Variants in DLGAP1 observed in about 807,000 individuals in gnomAD.
The protein encoded by DLGAP1 is DLG associated protein 1, also known as disks large-associated protein 1.
A neutral mutation model predicts 90.8 loss-of-function variants in DLGAP1; 11 were observed. That is an observed-to-expected ratio of 0.12 (90% CI 0.08 to 0.20). The LOEUF is 0.20. Ranked by LOEUF, DLGAP1 falls within the 10% of genes least tolerant of loss-of-function variation. The probability of loss-of-function intolerance (pLI) is 1.00; values close to 1 mark genes in which losing one functional copy is unlikely to be tolerated. For synonymous variants in DLGAP1, 558 were observed against 540.7 expected (o/e 1.03, Z -0.44); for missense variants, 1,050 against 1,333.8 (o/e 0.79, Z 3.31).
At chr18:4,175,502 T>A (rs1219831961) in intron 1 of DLGAP1, among the ~76,000 whole-genome samples, 1 of 152,206 alleles carries the variant, frequency 6.6e-6, no homozygotes, top group Non-Finnish European at 1.5e-5. Context: ...CATGCCTATG[T>A]CCTGAATGGT....
At chr18:3,872,251 AAAC>A (rs1344795353) in intron 4 of DLGAP1, among the ~76,000 whole-genome samples, 2 of 151,760 alleles carry the variant, frequency 1.3e-5, no homozygotes, top group Non-Finnish European at 2.9e-5. Context: ...AAAAAATTAA[AAAC>A]AAGAATTTGG....
chr18:3,520,691 C>T (rs2051129265), intron 10 of DLGAP1, among the ~76,000 whole-genome samples: 1 of 152,186 alleles, frequency 6.6e-6, no homozygotes, highest in Admixed American at 6.5e-5. Context: ...TTCCAGCCTC[C>T]AAAACTGTGA....
intron 8 of DLGAP1, among the ~76,000 whole-genome samples, chr18:3,570,446 T>A (rs1361110112): frequency 6.6e-6 from 1 of 151,820 alleles, no homozygotes; most frequent in Non-Finnish European, 1.5e-5. Flanking sequence ...GCCTGGCTAA[T>A]TTTTGTATTT....
chr18:4,244,204 C>T (rs1036896293), intron 1 of DLGAP1, among the ~76,000 whole-genome samples: 6 of 152,208 alleles, frequency 3.9e-5, no homozygotes, highest in East Asian at 1.9e-4. Flanking sequence ...GGACTAACAA[C>T]GGTCACCTTC....
At chr18:3,803,316 C>T (rs2066402509) in intron 5 of DLGAP1, among the ~76,000 whole-genome samples, 1 of 152,162 alleles carries the variant, frequency 6.6e-6, no homozygotes, top group Non-Finnish European at 1.5e-5. Context: ...AATCTTTCTT[C>T]ACTGAGTGGA....
intron 8 of DLGAP1, among the ~76,000 whole-genome samples, chr18:3,568,146 G>A (rs566648538): frequency 3.3e-5 from 5 of 152,044 alleles, no homozygotes; most frequent in African/African-American, 1.2e-4. Flanking sequence ...TGTTCTGCCC[G>A]CCTGGGCCTC....
chr18:4,214,214 G>A (rs2077904777), intron 1 of DLGAP1, among the ~76,000 whole-genome samples: 1 of 152,014 alleles, frequency 6.6e-6, no homozygotes, highest in South Asian at 2.1e-4. Context: ...AAGAAAGTGA[G>A]GGAAACTGAG....
chr18:4,291,551 T>A (rs569006561), intron 1 of DLGAP1, among the ~76,000 whole-genome samples: 1 of 152,162 alleles, frequency 6.6e-6, no homozygotes, highest in Non-Finnish European at 1.5e-5. Context: ...ATTTTATACA[T>A]ACATACATAC....
chr18:4,427,252 C>T (rs1020442367), intron 1 of DLGAP1, among the ~76,000 whole-genome samples: 5 of 152,086 alleles, frequency 3.3e-5, no homozygotes, highest in African/African-American at 1.2e-4. Context: ...TAAATGGGGA[C>T]AGAGCAACCT....
intron 1 of DLGAP1, among the ~76,000 whole-genome samples, chr18:4,425,090 T>G (rs1035181825): frequency 4.0e-5 from 6 of 151,600 alleles, no homozygotes; most frequent in Non-Finnish European, 8.8e-5. Flanking sequence ...AAAATTTGAT[T>G]TTTATTTTCT....
At chr18:3,816,311 T>C (rs866330380) in intron 4 of DLGAP1, among the ~76,000 whole-genome samples, 12 of 152,296 alleles carry the variant, frequency 7.9e-5, no homozygotes, top group African/African-American at 2.9e-4. Context: ...CCTAAAGTGT[T>C]AAGAAAATTG....
At chr18:3,741,049 C>A (rs1598536444) in intron 6 of DLGAP1, among the ~76,000 whole-genome samples, 2 of 125,950 alleles carry the variant, frequency 1.6e-5, no homozygotes, top group Admixed American at 7.6e-5. Flanking sequence ...CACCTCACCA[C>A]CACCACCATC....
intron 1 of DLGAP1, among the ~76,000 whole-genome samples, chr18:4,244,810 C>A (rs112274709): frequency 0.011 from 1,728 of 152,242 alleles, 39 homozygotes; most frequent in African/African-American, 0.04. Context: ...TAACACAAAT[C>A]CAAACTGTAT....
intron 4 of DLGAP1, among the ~76,000 whole-genome samples, chr18:3,836,476 T>A (rs2068387522): frequency 6.6e-6 from 1 of 152,192 alleles, no homozygotes; most frequent in Admixed American, 6.5e-5. Context: ...GGGATTAGAT[T>A]TTTTTTCTTC....
At chr18:4,096,894 G>C (rs1279923603) in intron 2 of DLGAP1, among the ~76,000 whole-genome samples, 1 of 152,172 alleles carries the variant, frequency 6.6e-6, no homozygotes, top group African/African-American at 2.4e-5. Context: ...ATGGTACCTG[G>C]CAAAGTTGTA....
At chr18:4,385,060 C>G (rs572393364) in intron 1 of DLGAP1, among the ~76,000 whole-genome samples, 34 of 152,118 alleles carry the variant, frequency 2.2e-4, no homozygotes, top group African/African-American at 7.9e-4. Flanking sequence ...AAAAACAATA[C>G]AATACAATAC....
intron 5 of DLGAP1, among the ~76,000 whole-genome samples, chr18:3,768,034 A>G (rs2064335812): frequency 6.6e-6 from 1 of 152,090 alleles, no homozygotes; most frequent in Non-Finnish European, 1.5e-5. Context: ...TTTGCAGATG[A>G]CATGATTGCC....
chr18:4,381,936 C>T (rs180939408), intron 1 of DLGAP1, among the ~76,000 whole-genome samples: 83 of 152,186 alleles, frequency 5.5e-4, no homozygotes, highest in Middle Eastern at 3.4e-3. Flanking sequence ...TCTTACACGG[C>T]GGCAGACAAG....
chr18:3,628,654 T>C (rs139351621), intron 7 of DLGAP1, among the ~76,000 whole-genome samples: 43 of 152,328 alleles, frequency 2.8e-4, no homozygotes, highest in Admixed American at 5.2e-4. Context: ...ATTATTTTCT[T>C]GCCTTTAGTA....
Sources: gnomAD v4.1 joint callset for allele counts (sites outside exome capture counted in the v4.1 genomes callset) on GRCh38, gnomAD v4.1.1 for gene constraint, MANE v1.5 for transcripts, NCBI Gene and HGNC (gene_info 2026-07-23, HGNC 2026-07-21) for gene names.